FRMD4A: variants seen among roughly 807,000 people sequenced by gnomAD.
The protein encoded by FRMD4A is FERM domain containing 4A.
Under a neutral mutation model 129.1 loss-of-function variants are expected in FRMD4A, and 29 were observed. The ratio of observed to expected loss-of-function variants is 0.22; its 90% CI spans 0.17 to 0.31. The LOEUF (loss-of-function observed/expected upper bound fraction) is 0.31. FRMD4A is among the 10% of genes least tolerant of loss of function. The pLI is 1.00. For missense variants in FRMD4A, 1,272 were observed against 1,375.8 expected, an observed-to-expected ratio of 0.92 and a Z score of 1.19; for synonymous variants, 634 against 571.6, an observed-to-expected ratio of 1.11 and a Z score of -1.56.
chr10:13,934,621 G>A (rs374784229), intron 2 of FRMD4A, among the ~76,000 whole-genome samples: 7 of 152,278 alleles, frequency 4.6e-5, no homozygotes, highest in South Asian at 2.1e-4. Context: ...CTCCACAATT[G>A]CTGCAGTAAA....
chr10:13,787,634 T>C (rs2092900726), intron 5 of FRMD4A, among the ~76,000 whole-genome samples: 2 of 151,992 alleles, frequency 1.3e-5, no homozygotes, highest in Admixed American at 6.6e-5. Context: ...TAATTTTTTA[T>C]TTTCTGTCGA....
At chr10:14,088,632 A>C (rs2045697) in intron 2 of FRMD4A, among the ~76,000 whole-genome samples, 1 of 150,800 alleles carries the variant, frequency 6.6e-6, no homozygotes, top group African/African-American at 2.4e-5. Context: ...GCCGGACGTG[A>C]TGGCGCATGC....
At chr10:13,712,755 C>T (rs1564668823) in intron 12 of FRMD4A, among the ~76,000 whole-genome samples, 1 of 152,204 alleles carries the variant, frequency 6.6e-6, no homozygotes, top group Non-Finnish European at 1.5e-5. Context: ...TGTATGAAAA[C>T]AGGAGGTGGG....
intron 2 of FRMD4A, among the ~76,000 whole-genome samples, chr10:14,001,206 C>A (rs1404974324): frequency 6.6e-6 from 1 of 152,164 alleles, no homozygotes; most frequent in Non-Finnish European, 1.5e-5. Flanking sequence ...TGGATCCTAT[C>A]CCCAGAGATT....
chr10:13,663,046 T>A (rs112920454), intron 19 of FRMD4A, among the ~76,000 whole-genome samples: 1 of 151,484 alleles, frequency 6.6e-6, no homozygotes, highest in Non-Finnish European at 1.5e-5. Flanking sequence ...ATACAAAAAT[T>A]GCCAGGTGTG....
chr10:14,052,722 C>CTT (rs1834320470), intron 2 of FRMD4A, among the ~76,000 whole-genome samples: 1 of 110,532 alleles, frequency 9.0e-6, no homozygotes, highest in Admixed American at 8.9e-5. Flanking sequence ...CCATAACTGG[C>CTT]TATTTTTTTT....
chr10:13,988,831 A>C (rs1242790085), intron 2 of FRMD4A, among the ~76,000 whole-genome samples: 1 of 152,134 alleles, frequency 6.6e-6, no homozygotes, highest in Admixed American at 6.6e-5. Flanking sequence ...ATGAAAAAGA[A>C]AAATAACCTA....
chr10:14,016,806 T>C (rs567493296), intron 2 of FRMD4A, among the ~76,000 whole-genome samples: 1 of 152,342 alleles, frequency 6.6e-6, no homozygotes, highest in African/African-American at 2.4e-5. Context: ...TCACTCGATC[T>C]TTCTGGCAAG....
intron 2 of FRMD4A, among the ~76,000 whole-genome samples, chr10:14,151,129 T>A (rs1045562512): frequency 2.0e-5 from 3 of 152,168 alleles, no homozygotes; most frequent in African/African-American, 7.2e-5. Flanking sequence ...AGGGTATCTG[T>A]CCACTGCAGG....
intron 9 of FRMD4A, among the ~76,000 whole-genome samples, chr10:13,745,669 A>G (rs796512236): frequency 1.6e-4 from 24 of 152,328 alleles, no homozygotes; most frequent in African/African-American, 5.8e-4. Flanking sequence ...AAGAAATTCA[A>G]AACTCTCAGA....
chr10:13,842,035 T>G (rs1301758481), intron 3 of FRMD4A, among the ~76,000 whole-genome samples: 2 of 152,168 alleles, frequency 1.3e-5, no homozygotes, highest in African/African-American at 4.8e-5. Context: ...CACGTAACAC[T>G]GCAATACCTT....
intron 2 of FRMD4A, among the ~76,000 whole-genome samples, chr10:14,258,045 A>T (rs1293278573): frequency 1.3e-5 from 2 of 152,204 alleles, no homozygotes; most frequent in East Asian, 3.8e-4. Flanking sequence ...TATAAAAATT[A>T]ACTCAAAACG....
intron 2 of FRMD4A, among the ~76,000 whole-genome samples, chr10:14,243,849 T>C: frequency 7.1e-6 from 1 of 141,354 alleles, no homozygotes; most frequent in Non-Finnish European, 1.5e-5. Context: ...AAAAAAGGAG[T>C]AGTCAGCCCC....
chr10:13,745,519 T>C lies in FRMD4A; in HGVS notation c.548+2217A>G, dbSNP rs574692176. On this transcript the variant is annotated intron_variant, in intron 9 of 24. Coordinates refer to ENST00000357447, the MANE Select transcript of FRMD4A (RefSeq NM_018027.5). ...ATGGGATGTTCTGCCAAGCCAGCTATAGGTGAAGATGTTCATATGCAGAAG... is the reference window on the plus strand; with the variant it reads ...ATGGGATGTTCTGCCAAGCCAGCTACAGGTGAAGATGTTCATATGCAGAAG... Among the ~76,000 whole-genome samples, 6 of 152,214 alleles carry C rather than the reference T, an allele frequency of 3.9e-5. No homozygotes were observed. In the East Asian group the frequency reaches 1.2e-3, roughly 29 times the overall value.
chr10:13,972,293 T>A (rs940440451), intron 2 of FRMD4A: 4 of 987,520 alleles, frequency 4.1e-6, no homozygotes, highest in African/African-American at 1.7e-5. Context: ...TTTTCTTAAC[T>A]CTTTACAACT....
intron 2 of FRMD4A, among the ~76,000 whole-genome samples, chr10:14,161,219 G>A (rs1840871461): frequency 6.6e-6 from 1 of 152,188 alleles, no homozygotes; most frequent in Non-Finnish European, 1.5e-5. Flanking sequence ...GCCTCCCAAA[G>A]TGCTGGGATT....
intron 2 of FRMD4A, among the ~76,000 whole-genome samples, chr10:13,928,844 T>C (rs1166298761): frequency 3.9e-5 from 6 of 152,164 alleles, no homozygotes; most frequent in Non-Finnish European, 8.8e-5. Flanking sequence ...CAGCTTCCTT[T>C]TTCCTCTCCC....
At chr10:14,007,943 A>T in intron 2 of FRMD4A, 1 of 1,202,858 alleles carries the variant, frequency 8.3e-7, no homozygotes, top group Non-Finnish European at 1.1e-6. Flanking sequence ...CTACAGTCCC[A>T]GGAACTCCAA....
chr10:14,199,472 C>T (rs1842569712), intron 2 of FRMD4A, among the ~76,000 whole-genome samples: 1 of 149,766 alleles, frequency 6.7e-6, no homozygotes, highest in African/African-American at 2.5e-5. Context: ...TCACTGCAAT[C>T]TCCACCTCCC....
Sources: gnomAD v4.1 joint callset for allele counts (sites outside exome capture counted in the v4.1 genomes callset) on GRCh38, gnomAD v4.1.1 for gene constraint, MANE v1.5 for transcripts, NCBI Gene and HGNC (gene_info 2026-07-23, HGNC 2026-07-21) for gene names.